The following RSRC1 variants were observed in gnomAD, a reference collection of about 807,000 sequenced individuals.
RSRC1 encodes the protein serine/Arginine-related protein 53.
Under a neutral mutation model 49.1 loss-of-function variants are expected in RSRC1, and 39 were observed. The ratio of observed to expected loss-of-function variants is 0.79; its 90% CI spans 0.61 to 1.04. RSRC1 has a LOEUF of 1.04. Among genes scored for constraint, RSRC1 ranks in the 50% least tolerant of loss-of-function variants. The pLI is 0.00. For missense variants in RSRC1, 388 were observed against 402.4 expected (o/e 0.96, Z 0.31); for synonymous variants, 143 against 130.8 (o/e 1.09, Z -0.63).
At chr3:158,113,675 ACTT>A (rs1714579070) in intron 1 of RSRC1, among the ~76,000 whole-genome samples, 1 of 151,876 alleles carries the variant, frequency 6.6e-6, no homozygotes, top group Admixed American at 6.6e-5. Context: ...CCATTTCTTG[ACTT>A]CTTAATAATT....
intron 4 of RSRC1, among the ~76,000 whole-genome samples, chr3:158,289,695 C>G (rs1726798951): frequency 6.6e-6 from 1 of 152,096 alleles, no homozygotes; most frequent in South Asian, 2.1e-4. Context: ...GAATTCTAAC[C>G]AAACCTGAGA....
chr3:158,363,768 T>A (rs1173854425), intron 6 of RSRC1, among the ~76,000 whole-genome samples: 1 of 152,234 alleles, frequency 6.6e-6, no homozygotes, highest in African/African-American at 2.4e-5. Flanking sequence ...AAAGCATCAT[T>A]TAGGAACAAT....
At chr3:158,398,125 G>A (rs1733706019) in intron 6 of RSRC1, among the ~76,000 whole-genome samples, 1 of 152,048 alleles carries the variant, frequency 6.6e-6, no homozygotes. Context: ...ATGGTATTAT[G>A]GAGGGGTATG....
chr3:158,539,448 A>C lies in RSRC1; in HGVS notation c.759+2250A>C, dbSNP rs1712908941. Among the ~76,000 whole-genome samples, 1 of 152,088 alleles carries C rather than the reference A, an allele frequency of 6.6e-6. No homozygotes were observed. The highest frequency in any genetic ancestry group is 1.5e-5 in the Non-Finnish European group (1 of 67,976). ...CCTGATATATCATTGAGGAACCAAG[A>C]TGCAGCTTGTTTTCAAACTTAGTAT... is the stretch of plus-strand genomic sequence containing the variant. On this transcript the variant is annotated intron_variant, in intron 8 of 9. Transcript: ENST00000611884. This position sits in a 1 kb window ranked among gnomAD's most constrained non-coding sequence, Gnocchi z 4.1.
chr3:158,251,170 A>G (rs1467142967), intron 4 of RSRC1, among the ~76,000 whole-genome samples: 1 of 152,002 alleles, frequency 6.6e-6, no homozygotes, highest in Non-Finnish European at 1.5e-5. Context: ...ATTCTGTTCC[A>G]TTGGTCTGTG....
chr3:158,130,079 A>T (rs558849395), intron 3 of RSRC1, among the ~76,000 whole-genome samples: 1 of 152,336 alleles, frequency 6.6e-6, no homozygotes, highest in East Asian at 1.9e-4. Context: ...GATCAGGGTG[A>T]CAGCATGGTC....
Position 158,466,322 on chromosome 3 carries a change from T to G in RSRC1, c.652+5319T>G, listed in dbSNP as rs150400612. On this transcript the variant is annotated intron_variant, in intron 7 of 9. Transcript: ENST00000611884. ...CAGTAAGATGTTTATGTACATGAAATGCAGATATACTGATATCTATTTAAT... is the reference window on the plus strand; with the variant it reads ...CAGTAAGATGTTTATGTACATGAAAGGCAGATATACTGATATCTATTTAAT... Among the ~76,000 whole-genome samples the G allele has an allele frequency of 2.7e-3, 404 of 152,352 alleles. 4 individuals are homozygous for G. Among genetic ancestry groups the G allele is most frequent in the African/African-American group, 9.3e-3 (386 of 41,582 alleles).
chr3:158,310,481 G>A (rs1578320049), intron 5 of RSRC1, among the ~76,000 whole-genome samples: 1 of 151,614 alleles, frequency 6.6e-6, no homozygotes, highest in South Asian at 2.1e-4. Context: ...ATGTTATTTG[G>A]TTTTTCGCAG....
chr3:158,154,258 G>T (rs144939416), intron 3 of RSRC1, among the ~76,000 whole-genome samples: 1 of 152,018 alleles, frequency 6.6e-6, no homozygotes, highest in South Asian at 2.1e-4. Context: ...TTGAGCCTTC[G>T]GTGAGTCATA....
At chr3:158,218,044 T>G (rs2108295344) in intron 4 of RSRC1, among the ~76,000 whole-genome samples, 1 of 151,592 alleles carries the variant, frequency 6.6e-6, no homozygotes, top group East Asian at 2.0e-4. Flanking sequence ...TGAAAGATGA[T>G]CACAGAAGCT....
At chr3:158,514,117 T>G (rs1157665513) in intron 7 of RSRC1, among the ~76,000 whole-genome samples, 1 of 152,230 alleles carries the variant, frequency 6.6e-6, no homozygotes, top group African/African-American at 2.4e-5. Flanking sequence ...TCTATTTCCT[T>G]CAGTTCTGCT....
chr3:158,540,207 C>G (rs1712960235), intron 8 of RSRC1, among the ~76,000 whole-genome samples: 1 of 152,114 alleles, frequency 6.6e-6, no homozygotes, highest in South Asian at 2.1e-4. Context: ...CACAAACCAT[C>G]TAGGCACAGT....
intron 3 of RSRC1, among the ~76,000 whole-genome samples, chr3:158,134,512 C>A (rs1198799286): frequency 6.6e-6 from 1 of 152,166 alleles, no homozygotes; most frequent in Non-Finnish European, 1.5e-5. Context: ...GCATAGTTTG[C>A]AGCATCCTTT....
At chr3:158,298,991 C>G (rs1183659096) in intron 5 of RSRC1, among the ~76,000 whole-genome samples, 2 of 152,022 alleles carry the variant, frequency 1.3e-5, no homozygotes, top group East Asian at 3.9e-4. Flanking sequence ...TTTGGTTTTT[C>G]TTTTATAGCT....
chr3:158,349,494 C>G (rs1730741606), intron 5 of RSRC1, among the ~76,000 whole-genome samples: 1 of 152,040 alleles, frequency 6.6e-6, no homozygotes, highest in Non-Finnish European at 1.5e-5. Flanking sequence ...TTTGCTCCCA[C>G]CAAATAATTA....
At chr3:158,219,610 TAA>T in intron 4 of RSRC1, among the ~76,000 whole-genome samples, 1 of 151,692 alleles carries the variant, frequency 6.6e-6, no homozygotes, top group African/African-American at 2.4e-5. Context: ...GAAAGGGATA[TAA>T]GAGGAGGTGC....
chr3:158,541,172 GTCTTT>G (rs1260271525), intron 8 of RSRC1, among the ~76,000 whole-genome samples: 1 of 152,072 alleles, frequency 6.6e-6, no homozygotes, highest in African/African-American at 2.4e-5. Flanking sequence ...CAGGATCTTT[GTCTTT>G]TCCCTCTGGC....
At chr3:158,231,120 G>T (rs1722921810) in intron 4 of RSRC1, among the ~76,000 whole-genome samples, 2 of 139,538 alleles carry the variant, frequency 1.4e-5, no homozygotes, top group African/African-American at 2.6e-5. Context: ...TAGAGATGAA[G>T]AATAACTAGT....
At chr3:158,396,137 G>A (rs556905470) in intron 6 of RSRC1, among the ~76,000 whole-genome samples, 30 of 152,120 alleles carry the variant, frequency 2.0e-4, no homozygotes, top group Admixed American at 4.6e-4. Flanking sequence ...TAAACATTGC[G>A]AACACATGGA....
Sources: allele counts gnomAD v4.1 joint callset (sites outside exome capture counted in the v4.1 genomes callset), GRCh38; gene constraint gnomAD v4.1.1; non-coding constraint Gnocchi (gnomAD v3.1); transcripts MANE v1.5; gene names NCBI Gene and HGNC (gene_info 2026-07-23, HGNC 2026-07-21).